Variants in PTCRA observed in about 807,000 individuals in gnomAD.
PTCRA encodes the protein pre T cell antigen receptor alpha.
PTCRA carries 9 observed loss-of-function variants against 13.4 expected under a neutral mutation model. The observed-to-expected ratio is 0.67, with a 90% CI of 0.41 to 1.18. The LOEUF is 1.18. Among genes scored for constraint, PTCRA ranks in the 50% most tolerant of loss-of-function variants. The pLI is 0.01. For missense variants in PTCRA, 353 were observed against 359.8 expected (o/e 0.98, Z 0.15); for synonymous variants, 153 against 161.9 (o/e 0.94, Z 0.42).
At position 42,925,248 on chromosome 6, in the gene PTCRA, T is replaced by C. The variant is rs775020904; in HGVS notation, c.425-13T>C. On this transcript the variant is annotated splice_polypyrimidine_tract_variant and intron_variant, in intron 3 of 3. Coordinates refer to ENST00000304672, the MANE Select transcript of PTCRA (RefSeq NM_138296.3). This position sits in a 1 kb window ranked among gnomAD's most constrained non-coding sequence, Gnocchi z 4.4. Reference sequence around the variant, plus strand: ...CGGGCTCCTGCGGGCTCCTGAGCGGTTCCTCCTCGCAGGGACACCGGGTGG... The same window carrying C: ...CGGGCTCCTGCGGGCTCCTGAGCGGCTCCTCCTCGCAGGGACACCGGGTGG... 6.3e-7 allele frequency: 1 copy of C among 1,581,060 alleles called. No individual in the cohort carries two copies. Among genetic ancestry groups the C allele is most frequent in the Non-Finnish European group, 8.5e-7 (1 of 1,171,218 alleles).
At chr6:42,921,675 C>T (rs1431696192) in intron 1 of PTCRA, among the ~76,000 whole-genome samples, 1 of 146,410 alleles carries the variant, frequency 6.8e-6, no homozygotes, top group African/African-American at 2.5e-5. Context: ...CTTGGCCTCC[C>T]GAAGTGCTGG....
chr6:42,918,968 T>G (rs1471084218), intron 1 of PTCRA, among the ~76,000 whole-genome samples: 1 of 151,674 alleles, frequency 6.6e-6, no homozygotes, highest in Non-Finnish European at 1.5e-5. Flanking sequence ...TTTTTGTATT[T>G]TTAGTAGAGA....
At position 42,923,075 on chromosome 6, in the gene PTCRA, T is replaced by G. The variant is rs779277349; in HGVS notation, c.107T>G (p.Leu36Arg). ...TCTCTGGCCCCACCAATCATGCTGC[T>G]GGTGGATGGAAAGCAGCAGATGGTG... ...FPSLAPPIML[L>R]VDGKQQMVVV... The change falls in exon 2 of 4, where the codon CTG becomes CGG. Residue 36 changes from leucine (L) to arginine (R), a missense_variant. Physicochemically the swap from Leu to Arg is moderately radical, Grantham distance 102. Coordinates refer to ENST00000304672, the MANE Select transcript of PTCRA (RefSeq NM_138296.3). 2 of 1,614,106 alleles carry G rather than the reference T, an allele frequency of 1.2e-6. No homozygotes were observed. The highest frequency in any genetic ancestry group is 2.2e-5 in the East Asian group (1 of 44,898).
chr6:42,922,470 C>T (rs749201520), intron 1 of PTCRA, among the ~76,000 whole-genome samples: 1 of 151,838 alleles, frequency 6.6e-6, no homozygotes, highest in African/African-American at 2.4e-5. Context: ...TGGAGGTGGC[C>T]GGGCATGGTG....
chr6:42,925,046 T>C lies in PTCRA; in HGVS notation c.425-215T>C, dbSNP rs1367587283. On this transcript the variant is annotated intron_variant, in intron 3 of 3. Coordinates refer to ENST00000304672, the MANE Select transcript of PTCRA (RefSeq NM_138296.3). This position sits in a 1 kb window ranked among gnomAD's most constrained non-coding sequence, Gnocchi z 4.4. Reference sequence around the variant, plus strand: ...TTAATTCCTGCGTGGCCCCCACCCCTACCCCCATGATTGTTGGGGAATAAA... The same window carrying C: ...TTAATTCCTGCGTGGCCCCCACCCCCACCCCCATGATTGTTGGGGAATAAA... Among the ~76,000 whole-genome samples, 2 of 151,944 alleles carry C rather than the reference T, an allele frequency of 1.3e-5. No homozygotes were observed. Among genetic ancestry groups the C allele is most frequent in the African/African-American group, 4.8e-5 (2 of 41,370 alleles).
intron 1 of PTCRA, chr6:42,922,153 A>T: frequency 1.5e-6 from 1 of 688,124 alleles, no homozygotes; most frequent in Non-Finnish European, 2.6e-6. Context: ...TATTTAAATC[A>T]GACTTTTAAA....
In PTCRA at chr6:42,923,374, G is replaced by C. The variant is rs761248322; in HGVS notation, c.379+27G>C. 75 of 1,602,180 alleles carry C rather than the reference G, an allele frequency of 4.7e-5. No homozygotes were observed. In the South Asian group the frequency reaches 7.6e-4, roughly 16 times the overall value. On this transcript the variant is annotated intron_variant, in intron 2 of 3. Transcript: ENST00000304672. The stretch of plus-strand genomic sequence containing the variant: ...TGGGGATGGAGCCTGGGCCCTTGCG[G>C]ATGCTCCCTGTCCCCTTCCACACAC...
intron 1 of PTCRA, among the ~76,000 whole-genome samples, chr6:42,919,259 G>T (rs1767028410): frequency 6.6e-6 from 1 of 152,142 alleles, no homozygotes; most frequent in Admixed American, 6.6e-5. Flanking sequence ...CTCCCAAAGT[G>T]CTGGGAATAA....
intron 1 of PTCRA, among the ~76,000 whole-genome samples, chr6:42,921,203 C>T (rs1007334756): frequency 2.1e-4 from 31 of 150,590 alleles, no homozygotes; most frequent in African/African-American, 6.6e-4. Context: ...TGGGTTTAAG[C>T]GATTCTCCTG....
intron 1 of PTCRA, chr6:42,922,110 C>A: frequency 1.6e-6 from 1 of 644,006 alleles, no homozygotes; most frequent in Non-Finnish European, 2.8e-6. Flanking sequence ...AAGCACACTC[C>A]ACCTAGATTA....
chr6:42,923,466 C>G, intron 2 of PTCRA, 119 bp downstream of exon 2: 4 of 988,536 alleles, frequency 4.0e-6, no homozygotes, highest in Admixed American at 2.3e-5. Flanking sequence ...AAGCGCAGAG[C>G]CTCTGGGTGA....
At chr6:42,922,380 G>A (rs979704822) in intron 1 of PTCRA, 29 of 625,982 alleles carry the variant, frequency 4.6e-5, no homozygotes, top group South Asian at 1.6e-4. Flanking sequence ...AAAGGGGCTC[G>A]GATATCATAG....
intron 1 of PTCRA, among the ~76,000 whole-genome samples, chr6:42,918,883 G>A (rs990424970): frequency 9.3e-5 from 14 of 150,180 alleles, no homozygotes; most frequent in South Asian, 4.2e-4. Flanking sequence ...TCCGCCTCCC[G>A]GGTTCACGCC....
chr6:42,919,921 C>T (rs1290945587), intron 1 of PTCRA, among the ~76,000 whole-genome samples: 1 of 150,458 alleles, frequency 6.6e-6, no homozygotes, highest in Admixed American at 6.7e-5. Context: ...TGACACGTGC[C>T]TGTGGTCACA....
Position 42,923,300 on chromosome 6 carries a change from C to A in PTCRA, c.332C>A (p.Pro111His). 6.2e-7 allele frequency: 1 copy of A among 1,614,180 alleles called. No individual in the cohort carries two copies. The highest frequency in any genetic ancestry group is 8.5e-7 in the Non-Finnish European group (1 of 1,180,014). The stretch of plus-strand genomic sequence containing the variant: ...GAGCCTTTGGTCTGCCACACTGGGC[C>A]TGGGGCTGAGGGTCACAGCAGGAGT... ...SWEPLVCHTG[P>H]GAEGHSRSTQ... The change falls in exon 2 of 4, where the codon CCT (proline) becomes CAT (histidine). Residue 111 changes from proline to histidine, a missense_variant. Coordinates refer to ENST00000304672, the MANE Select transcript of PTCRA (RefSeq NM_138296.3).
intron 3 of PTCRA, among the ~76,000 whole-genome samples, chr6:42,924,734 A>G (rs1442652249): frequency 6.6e-6 from 1 of 152,134 alleles, no homozygotes; most frequent in Non-Finnish European, 1.5e-5. Context: ...GCACTTTGGG[A>G]GGCCGAGGTG....
Position 42,925,735 on chromosome 6 carries a change from A to G in PTCRA, c.*53A>G. 7.6e-7 allele frequency: 1 copy of G among 1,310,382 alleles called. No individual in the cohort carries two copies. The highest frequency in any genetic ancestry group is 1.0e-6 in the Non-Finnish European group (1 of 971,706). 81.2% of individuals were successfully genotyped at this position (1,310,382 alleles called of 1,614,324 possible). Reference sequence around the variant, plus strand: ...CACTGTGTGAGGCTGTGTCTCTGCCATCCAAAAGGGGGCCCCTTGAGAATG... The same window carrying G: ...CACTGTGTGAGGCTGTGTCTCTGCCGTCCAAAAGGGGGCCCCTTGAGAATG... On this transcript the variant is annotated 3_prime_UTR_variant, in exon 4 of 4. Transcript: ENST00000304672. The surrounding 1 kb of genome is among the most constrained non-coding windows in gnomAD (Gnocchi z 4.4).
intron 1 of PTCRA, among the ~76,000 whole-genome samples, chr6:42,917,103 C>T (rs1766905442): frequency 6.6e-6 from 1 of 151,872 alleles, no homozygotes; most frequent in Non-Finnish European, 1.5e-5. Flanking sequence ...TCAACAATTG[C>T]ACTAATACTT....
In PTCRA at chr6:42,924,160, G is replaced by A. The variant is rs1336315789; in HGVS notation, c.380-69G>A. ...CACCCTGTGCCAGGGCCTGGGCATA[G>A]CACTGGGGATGCCCTCCAGAGTGCA... is the stretch of plus-strand genomic sequence containing the variant. On this transcript the variant is annotated intron_variant, in intron 2 of 3. Transcript: ENST00000304672. The A allele has an allele frequency of 2.5e-5, 34 of 1,383,192 alleles. No homozygotes were observed. The South Asian group carries it at 3.7e-4, about 15-fold the overall frequency. 85.7% of individuals were successfully genotyped at this position (1,383,192 alleles called of 1,614,324 possible).
Sources: allele counts gnomAD v4.1 joint callset (sites outside exome capture counted in the v4.1 genomes callset), GRCh38; gene constraint gnomAD v4.1.1; non-coding constraint Gnocchi (gnomAD v3.1); transcripts MANE v1.5; gene names NCBI Gene and HGNC (gene_info 2026-07-23, HGNC 2026-07-21).